DLGAP1: variants seen among roughly 807,000 people sequenced by gnomAD.
DLGAP1 encodes DLG associated protein 1.
Under a neutral mutation model 90.8 loss-of-function variants are expected in DLGAP1, and 11 were observed. The observed-to-expected ratio is 0.12, with a 90% confidence interval of 0.08 to 0.20. DLGAP1 has a LOEUF of 0.20. DLGAP1 is among the 10% of genes least tolerant of loss of function. DLGAP1 has a pLI of 1.00. For missense variants in DLGAP1, 1,050 were observed against 1,333.8 expected, an observed-to-expected ratio of 0.79 and a Z score of 3.31; for synonymous variants, 558 against 540.7, an observed-to-expected ratio of 1.03 and a Z score of -0.44.
chr18:3,520,616 A>T (rs922668626), intron 10 of DLGAP1, among the ~76,000 whole-genome samples: 1 of 152,128 alleles, frequency 6.6e-6, no homozygotes, highest in African/African-American at 2.4e-5. Context: ...AGAATCAGGG[A>T]AAGGGTGGTG....
At chr18:3,798,844 C>G (rs2066144434) in intron 5 of DLGAP1, among the ~76,000 whole-genome samples, 1 of 151,952 alleles carries the variant, frequency 6.6e-6, no homozygotes, top group African/African-American at 2.4e-5. Context: ...ACATTCTGAT[C>G]TCACTTAATG....
chr18:4,151,674 A>G (rs1490650455), intron 1 of DLGAP1, among the ~76,000 whole-genome samples: 2 of 152,324 alleles, frequency 1.3e-5, no homozygotes, highest in Middle Eastern at 3.4e-3. Flanking sequence ...CAACAGTACA[A>G]CTAAGCCAGT....
chr18:3,543,097 G>A (rs147438686), intron 9 of DLGAP1, among the ~76,000 whole-genome samples: 22 of 152,016 alleles, frequency 1.4e-4, no homozygotes, highest in African/African-American at 5.1e-4. Flanking sequence ...AAATTTTAGA[G>A]ACAGAGAGGT....
intron 3 of DLGAP1, among the ~76,000 whole-genome samples, chr18:3,923,834 T>A (rs530077216): frequency 6.6e-6 from 1 of 152,224 alleles, no homozygotes; most frequent in Admixed American, 6.5e-5. Flanking sequence ...GCTGATTCAC[T>A]TTTAGAAAGG....
At chr18:3,821,967 G>C (rs1313318213) in intron 4 of DLGAP1, 1 of 983,426 alleles carries the variant, frequency 1.0e-6, no homozygotes, top group Non-Finnish European at 1.2e-6. Flanking sequence ...TGACAAATGC[G>C]ACTTGGCTTA....
At chr18:3,779,763 C>T (rs1321321179) in intron 5 of DLGAP1, among the ~76,000 whole-genome samples, 1 of 114,592 alleles carries the variant, frequency 8.7e-6, no homozygotes, top group African/African-American at 4.2e-5. Context: ...GTCAGTGCAC[C>T]CTTTTTTTTT....
At chr18:4,078,915 A>AT (rs200340186) in intron 2 of DLGAP1, among the ~76,000 whole-genome samples, 139 of 151,430 alleles carry the variant, frequency 9.2e-4, no homozygotes, top group African/African-American at 3.2e-3. Context: ...ACTAGTTAGC[A>AT]TTTTTTTTTC....
intron 2 of DLGAP1, among the ~76,000 whole-genome samples, chr18:4,110,793 A>G (rs1249920582): frequency 6.6e-6 from 1 of 152,050 alleles, no homozygotes; most frequent in Non-Finnish European, 1.5e-5. Flanking sequence ...TGCTTTTTAT[A>G]TTTTTCACTC....
intron 1 of DLGAP1, among the ~76,000 whole-genome samples, chr18:4,323,561 T>A (rs567952822): frequency 6.6e-6 from 1 of 152,160 alleles, no homozygotes; most frequent in African/African-American, 2.4e-5. Context: ...ACAAATAAAC[T>A]AATAGAGAAA....
chr18:3,665,600 A>G (rs956117148), intron 7 of DLGAP1, among the ~76,000 whole-genome samples: 4 of 152,176 alleles, frequency 2.6e-5, no homozygotes, highest in Non-Finnish European at 5.9e-5. Flanking sequence ...TTACCTCGTT[A>G]TATTTCTAAT....
At chr18:4,208,736 GAGAAAGAGAAA>G (rs2077774066) in intron 1 of DLGAP1, among the ~76,000 whole-genome samples, 1 of 152,046 alleles carries the variant, frequency 6.6e-6, no homozygotes, top group Non-Finnish European at 1.5e-5. Context: ...AAAAGAGAGA[GAGAAAGAGAAA>G]GAACAGAGGG....
chr18:4,216,740 C>A (rs1034151746), intron 1 of DLGAP1, among the ~76,000 whole-genome samples: 2 of 152,002 alleles, frequency 1.3e-5, no homozygotes, highest in African/African-American at 4.8e-5. Flanking sequence ...ATTTTTAGAG[C>A]AGTTTTGGGT....
intron 5 of DLGAP1, among the ~76,000 whole-genome samples, chr18:3,755,236 G>T (rs1410598067): frequency 1.7e-4 from 26 of 151,910 alleles, no homozygotes; most frequent in Admixed American, 1.6e-3. Context: ...GCAACAAAGA[G>T]ACACAGACAT....
intron 2 of DLGAP1, among the ~76,000 whole-genome samples, chr18:4,070,185 G>T (rs1368539234): frequency 6.6e-6 from 1 of 152,040 alleles, no homozygotes; most frequent in East Asian, 1.9e-4. Flanking sequence ...GTTTCATCAT[G>T]TTGGCTACGT....
intron 7 of DLGAP1, among the ~76,000 whole-genome samples, chr18:3,687,943 G>A (rs2146972599): frequency 7.1e-6 from 1 of 140,628 alleles, no homozygotes; most frequent in Non-Finnish European, 1.5e-5. Flanking sequence ...GTCTCGCTCT[G>A]TCACCCAGGC....
At chr18:3,785,002 A>T (rs2148163200) in intron 5 of DLGAP1, among the ~76,000 whole-genome samples, 1 of 151,744 alleles carries the variant, frequency 6.6e-6, no homozygotes, top group Non-Finnish European at 1.5e-5. Flanking sequence ...TTCTCCCTTT[A>T]AAAAAAATCC....
intron 7 of DLGAP1, among the ~76,000 whole-genome samples, chr18:3,681,135 C>A (rs902324809): frequency 1.7e-4 from 26 of 152,326 alleles, no homozygotes; most frequent in African/African-American, 6.0e-4. Flanking sequence ...CTGTTTCCAA[C>A]ACTAGAGTGG....
intron 1 of DLGAP1, among the ~76,000 whole-genome samples, chr18:4,334,372 A>G (rs1207651751): frequency 6.6e-6 from 1 of 151,836 alleles, no homozygotes; most frequent in African/African-American, 2.4e-5. Context: ...TACATTGGTC[A>G]AAAGAAATGG....
intron 1 of DLGAP1, among the ~76,000 whole-genome samples, chr18:4,282,486 C>T (rs1256880500): frequency 6.6e-6 from 1 of 151,920 alleles, no homozygotes; most frequent in Non-Finnish European, 1.5e-5. Context: ...ACATAAGTCC[C>T]TTATAGAAAC....
Sources: allele counts gnomAD v4.1 joint callset (sites outside exome capture counted in the v4.1 genomes callset), GRCh38; gene constraint gnomAD v4.1.1; transcripts MANE v1.5; gene names NCBI Gene and HGNC (gene_info 2026-07-23, HGNC 2026-07-21).